SEMA4D: variants seen among roughly 807,000 people sequenced by gnomAD.
The protein encoded by SEMA4D is semaphorin-4D.
Under a neutral mutation model 74.8 loss-of-function variants are expected in SEMA4D, and 22 were observed. The observed-to-expected ratio is 0.29, with a 90% CI of 0.21 to 0.42. SEMA4D has a LOEUF of 0.42. Ranked by LOEUF, SEMA4D falls within the 10% of genes least tolerant of loss-of-function variation. SEMA4D has a pLI of 1.00. For missense variants in SEMA4D, 937 were observed against 1,118.4 expected (o/e 0.84, Z 2.31); for synonymous variants, 445 against 463.7 (o/e 0.96, Z 0.52).
At chr9:89,461,700 CTTTTT>C (rs61696689) in intron 1 of SEMA4D, among the ~76,000 whole-genome samples, 4 of 103,660 alleles carry the variant, frequency 3.9e-5, no homozygotes, top group East Asian at 3.7e-4. Context: ...TCTTTTTTCT[CTTTTT>C]TTTTTTTTTT....
Position 89,386,461 on chromosome 9 carries a change from G to C in SEMA4D, c.1352C>G (p.Ala451Gly). 1 of 1,614,006 alleles carries C rather than the reference G, an allele frequency of 6.2e-7. No individual in the cohort carries two copies. The highest frequency in any genetic ancestry group is 8.5e-7 in the Non-Finnish European group (1 of 1,179,890). ...GTGAACAGCGTGCTCGAGGCTGATG[G>C]CTTTGTGCAGAGCTCCCCGGTCTGC... is the stretch of plus-strand genomic sequence containing the variant. ...VSTDRGALHK[A>G]ISLEHAVHII... The change falls in exon 13 of 16, where the codon GCC becomes GGC. Residue 451 changes from alanine to glycine, a missense_variant. Physicochemically the swap from Ala to Gly is moderately conservative, Grantham distance 60. Transcript: ENST00000422704.
In SEMA4D at chr9:89,381,181, G is replaced by T; in HGVS notation, c.1612C>A (p.Pro538Thr). ...TCVALHQTES[P>T]SRGLIQEMSG... is the part of the protein sequence containing the mutation. The stretch of plus-strand genomic sequence containing the variant: ...GCGCATCCCGCCCCATACCTGCTGG[G>T]GCTCTCGGTCTGGTGCAGAGCCACG... The change falls in exon 14 of 16, where the codon CCC (proline) becomes ACC (threonine). Residue 538 changes from proline (P) to threonine (T), a missense_variant. Coordinates refer to ENST00000422704, the MANE Select transcript of SEMA4D (RefSeq NM_001371194.2). The surrounding 1 kb of genome is among the most constrained non-coding windows in gnomAD (Gnocchi z 4.6). 1 of 1,613,818 alleles carries T rather than the reference G, an allele frequency of 6.2e-7. No individual in the cohort carries two copies. Among genetic ancestry groups the T allele is most frequent in the Non-Finnish European group, 8.5e-7 (1 of 1,179,756 alleles).
intron 2 of SEMA4D, among the ~76,000 whole-genome samples, chr9:89,445,422 A>C (rs1204449702): frequency 6.6e-6 from 1 of 152,180 alleles, no homozygotes; most frequent in Non-Finnish European, 1.5e-5. Flanking sequence ...GTTCTGCAGG[A>C]CAGAATTCTG....
intron 1 of SEMA4D, among the ~76,000 whole-genome samples, chr9:89,459,118 T>C (rs886751939): frequency 6.6e-6 from 1 of 152,190 alleles, no homozygotes; most frequent in Non-Finnish European, 1.5e-5. Context: ...TTCTGAGCCA[T>C]CGCAGCCTCC....
intron 2 of SEMA4D, among the ~76,000 whole-genome samples, chr9:89,421,752 T>C (rs539935627): frequency 1.3e-5 from 2 of 152,118 alleles, no homozygotes; most frequent in East Asian, 1.9e-4. Context: ...AAAATGTGAG[T>C]AGTATGTTTC....
At chr9:89,418,293 G>A in intron 2 of SEMA4D, 2 of 815,882 alleles carry the variant, frequency 2.5e-6, no homozygotes, top group South Asian at 1.1e-4. Flanking sequence ...CAGCACTGGG[G>A]CAGACAGGAG....
rs374328845 is a variant in SEMA4D at position 89,399,341 on chromosome 9, G to A, written c.253-3C>T. On this transcript the variant is annotated splice_region_variant and splice_polypyrimidine_tract_variant and intron_variant, in intron 4 of 15. Transcript: ENST00000422704. ...TCTTCTGAGACCTTCCAATACACCTGTTGGGATAGAGTCCATATCAGTGCA... is the reference window on the plus strand; with the variant it reads ...TCTTCTGAGACCTTCCAATACACCTATTGGGATAGAGTCCATATCAGTGCA... 368 of 1,607,352 alleles carry A rather than the reference G, an allele frequency of 2.3e-4. 1 individual carries two copies. The highest frequency in any genetic ancestry group is 1.0e-4 in the Non-Finnish European group (117 of 1,173,788).
At chr9:89,437,122 G>T (rs147347379) in intron 2 of SEMA4D, among the ~76,000 whole-genome samples, 1 of 152,196 alleles carries the variant, frequency 6.6e-6, no homozygotes, top group Non-Finnish European at 1.5e-5. Flanking sequence ...CTGGGCAGAC[G>T]ACCCTAAAAC....
At chr9:89,376,990 C>A (rs754424588), downstream of SEMA4D, 5 of 1,549,908 alleles carry the variant, frequency 3.2e-6, no homozygotes, top group Admixed American at 3.9e-5. Flanking sequence ...TCCTGTCCCC[C>A]ACATGGCCCA....
At chr9:89,383,599 G>T (rs1405215361) in intron 13 of SEMA4D, among the ~76,000 whole-genome samples, 1 of 152,126 alleles carries the variant, frequency 6.6e-6, no homozygotes, top group African/African-American at 2.4e-5. Context: ...AGGTAGGAGG[G>T]TCCAGGGTCT....
intron 2 of SEMA4D, among the ~76,000 whole-genome samples, chr9:89,423,417 C>T (rs1165279451): frequency 1.3e-5 from 2 of 152,096 alleles, no homozygotes; most frequent in African/African-American, 4.8e-5. Context: ...TCTCAAACTC[C>T]CAACCTCGGT....
intron 1 of SEMA4D, among the ~76,000 whole-genome samples, chr9:89,462,952 AGG>A (rs745895998): frequency 0.55 from 471 of 858 alleles, 148 homozygotes; most frequent in Middle Eastern, 1. Flanking sequence ...GAAAGAAAGG[AGG>A]GGGGAGCGAG....
intron 2 of SEMA4D, among the ~76,000 whole-genome samples, chr9:89,443,648 G>A (rs369279050): frequency 2.6e-5 from 4 of 152,188 alleles, no homozygotes; most frequent in Admixed American, 6.5e-5. Context: ...GCCTGCCTCC[G>A]AGCTGGTGGC....
At chr9:89,418,934 T>C (rs1259618946) in intron 2 of SEMA4D, 1 of 151,796 alleles carries the variant, frequency 6.6e-6, no homozygotes, top group Non-Finnish European at 1.5e-5. Flanking sequence ...CGGCTCTTTT[T>C]TTGAAGCCAG....
chr9:89,444,333 T>C (rs1852329792), intron 2 of SEMA4D, among the ~76,000 whole-genome samples: 1 of 152,032 alleles, frequency 6.6e-6, no homozygotes. Context: ...CATACAGGCA[T>C]ACACAGGAGC....
At chr9:89,370,033 T>A (rs1834302278) in intron 16 of SEMA4D, among the ~76,000 whole-genome samples, 1 of 151,142 alleles carries the variant, frequency 6.6e-6, no homozygotes, top group Non-Finnish European at 1.5e-5. Flanking sequence ...TGTTGTATGC[T>A]GTGCTGTGTG....
At chr9:89,371,967 G>GT (rs1835013485) in intron 16 of SEMA4D, among the ~76,000 whole-genome samples, 1 of 134,616 alleles carries the variant, frequency 7.4e-6, no homozygotes, top group East Asian at 2.3e-4. Context: ...GGTGTGTGTG[G>GT]GGTGTGGTGT....
chr9:89,385,257 CAG>C, intron 13 of SEMA4D: 1 of 985,238 alleles, frequency 1.0e-6, no homozygotes, highest in Non-Finnish European at 1.2e-6. Flanking sequence ...ACCCTTGGAA[CAG>C]AGTGTCATTC....
chr9:89,405,816 T>C, intron 2 of SEMA4D, 117 bp from the exon 3 acceptor site: 2 of 1,293,312 alleles, frequency 1.5e-6, no homozygotes, highest in South Asian at 5.5e-5. Context: ...TGCTGAGGAA[T>C]ACGGAAGGCA....
Sources: allele counts gnomAD v4.1 joint callset (sites outside exome capture counted in the v4.1 genomes callset), GRCh38; gene constraint gnomAD v4.1.1; non-coding constraint Gnocchi (gnomAD v3.1); transcripts MANE v1.5; gene names NCBI Gene and HGNC (gene_info 2026-07-23, HGNC 2026-07-21).